The following NRG3 variants were observed in gnomAD, a reference collection of about 807,000 sequenced individuals.
NRG3 encodes the protein pro-neuregulin-3, membrane-bound isoform.
NRG3 carries 31 observed loss-of-function variants against 66.9 expected under a neutral mutation model. The observed-to-expected ratio is 0.46, with a 90% CI of 0.35 to 0.63. NRG3 has a LOEUF of 0.63. NRG3 is among the 20% of genes least tolerant of loss of function. The pLI is 0.00. For synonymous variants in NRG3, 393 were observed against 359.4 expected, an observed-to-expected ratio of 1.09 and a Z score of -1.06; for missense variants, 910 against 878.9, an observed-to-expected ratio of 1.04 and a Z score of -0.45.
At chr10:82,066,959 T>C (rs1369807706) in intron 1 of NRG3, among the ~76,000 whole-genome samples, 1 of 152,190 alleles carries the variant, frequency 6.6e-6, no homozygotes. Flanking sequence ...TATAAGTAAC[T>C]TGAGTAACTC....
intron 1 of NRG3, among the ~76,000 whole-genome samples, chr10:82,300,483 C>T (rs562663579): frequency 2.0e-5 from 3 of 152,142 alleles, no homozygotes; most frequent in South Asian, 4.1e-4. Context: ...TCATTACACT[C>T]TTGCCATAAT....
At chr10:82,208,145 T>C (rs1276816762) in intron 1 of NRG3, among the ~76,000 whole-genome samples, 1 of 152,102 alleles carries the variant, frequency 6.6e-6, no homozygotes, top group East Asian at 1.9e-4. Context: ...TCGATATAAA[T>C]TATATGAAAT....
chr10:82,021,499 G>T (rs1564745033), intron 1 of NRG3, among the ~76,000 whole-genome samples: 1 of 152,038 alleles, frequency 6.6e-6, no homozygotes, highest in Non-Finnish European at 1.5e-5. Flanking sequence ...TGTTTAACAG[G>T]AATTGGCTTT....
chr10:82,791,947 G>A (rs1448994506), intron 3 of NRG3, among the ~76,000 whole-genome samples: 2 of 152,096 alleles, frequency 1.3e-5, no homozygotes, highest in African/African-American at 2.4e-5. Context: ...TGGACTTCTA[G>A]TTTTTACTGC....
At chr10:82,755,337 A>G (rs1002973466) in intron 3 of NRG3, among the ~76,000 whole-genome samples, 1 of 152,098 alleles carries the variant, frequency 6.6e-6, no homozygotes, top group African/African-American at 2.4e-5. Flanking sequence ...GTAATCTCAT[A>G]GTAATTTGTA....
intron 1 of NRG3, among the ~76,000 whole-genome samples, chr10:82,018,300 C>G (rs1485091243): frequency 3.3e-5 from 5 of 151,968 alleles, no homozygotes; most frequent in Admixed American, 2.0e-4. Context: ...CTACATCTCT[C>G]TTTTGGTACC....
At chr10:82,679,245 A>G (rs2134106841) in intron 2 of NRG3, among the ~76,000 whole-genome samples, 1 of 152,314 alleles carries the variant, frequency 6.6e-6, no homozygotes, top group Non-Finnish European at 1.5e-5. Flanking sequence ...CTTTGTAGCC[A>G]AGGTCTATTA....
intron 3 of NRG3, among the ~76,000 whole-genome samples, chr10:82,861,233 T>C (rs1047846160): frequency 6.6e-6 from 1 of 152,138 alleles, no homozygotes; most frequent in Non-Finnish European, 1.5e-5. Flanking sequence ...AGTTAACTTT[T>C]TATTTGTATG....
intron 2 of NRG3, among the ~76,000 whole-genome samples, chr10:82,642,003 T>A (rs1237664172): frequency 6.6e-6 from 1 of 152,090 alleles, no homozygotes; most frequent in African/African-American, 2.4e-5. Flanking sequence ...AAGTCCCTAT[T>A]GTTTATTATT....
chr10:82,904,087 G>A (rs1296638367), intron 4 of NRG3, among the ~76,000 whole-genome samples: 1 of 152,026 alleles, frequency 6.6e-6, no homozygotes, highest in Non-Finnish European at 1.5e-5. Context: ...TAAAAGTTCA[G>A]ACATGGTACA....
At chr10:82,869,677 G>A (rs1166384121) in intron 4 of NRG3, among the ~76,000 whole-genome samples, 6 of 150,350 alleles carry the variant, frequency 4.0e-5, no homozygotes, top group South Asian at 2.1e-4. Context: ...GTGCCATCTC[G>A]GCTCACTGCA....
chr10:82,311,082 G>A (rs10787036), intron 1 of NRG3, among the ~76,000 whole-genome samples: 1,422 of 55,502 alleles, frequency 0.026, 52 homozygotes, highest in African/African-American at 0.052. Context: ...TCCTCCCCTG[G>A]TTACTGATGA....
At chr10:82,298,211 A>C (rs1011716797) in intron 1 of NRG3, among the ~76,000 whole-genome samples, 1 of 145,418 alleles carries the variant, frequency 6.9e-6, no homozygotes. Context: ...AGCAGGAAGG[A>C]AGGAAAGAAG....
At chr10:82,122,341 C>T (rs1302319283) in intron 1 of NRG3, among the ~76,000 whole-genome samples, 1 of 152,112 alleles carries the variant, frequency 6.6e-6, no homozygotes, top group Non-Finnish European at 1.5e-5. Flanking sequence ...ATTTGGTTTG[C>T]TGCTGGCATA....
chr10:82,167,709 C>T (rs768564515), intron 1 of NRG3, among the ~76,000 whole-genome samples: 1 of 151,878 alleles, frequency 6.6e-6, no homozygotes, highest in Non-Finnish European at 1.5e-5. Context: ...TTGTGATAAG[C>T]GTTTGTTGTA....
intron 1 of NRG3, among the ~76,000 whole-genome samples, chr10:82,244,414 T>A (rs1291615007): frequency 6.6e-6 from 1 of 152,198 alleles, no homozygotes; most frequent in Non-Finnish European, 1.5e-5. Context: ...ATTAGATGTC[T>A]GGAGACCTAG....
intron 4 of NRG3, among the ~76,000 whole-genome samples, chr10:82,887,643 CAATT>C (rs1222628700): frequency 1.3e-5 from 2 of 152,052 alleles, no homozygotes; most frequent in East Asian, 1.9e-4. Context: ...TTGAAACAGA[CAATT>C]AAAGGAAGGT....
At chr10:82,061,130 A>G (rs922205138) in intron 1 of NRG3, among the ~76,000 whole-genome samples, 7 of 152,100 alleles carry the variant, frequency 4.6e-5, no homozygotes, top group Non-Finnish European at 5.9e-5. Flanking sequence ...AGGCGGGTGG[A>G]TCACGAGGTC....
At chr10:82,271,202 G>A (rs1438500234) in intron 1 of NRG3, among the ~76,000 whole-genome samples, 1 of 151,984 alleles carries the variant, frequency 6.6e-6, no homozygotes, top group East Asian at 1.9e-4. Flanking sequence ...AAATCAGAGG[G>A]TTCTTGGGAA....
Sources: allele counts gnomAD v4.1 joint callset (sites outside exome capture counted in the v4.1 genomes callset), GRCh38; gene constraint gnomAD v4.1.1; transcripts MANE v1.5; gene names NCBI Gene and HGNC (gene_info 2026-07-23, HGNC 2026-07-21).